The following PLXND1 variants were observed in gnomAD, a reference collection of about 807,000 sequenced individuals.
PLXND1 encodes the protein plexin-D1.
PLXND1 carries 54 observed loss-of-function variants against 197.7 expected under a neutral mutation model. That is an observed-to-expected ratio of 0.27 (90% CI 0.22 to 0.34). The LOEUF is 0.34. Ranked by LOEUF, PLXND1 falls within the 10% of genes least tolerant of loss-of-function variation. The probability of loss-of-function intolerance (pLI) is 1.00; values close to 1 mark genes in which losing one functional copy is unlikely to be tolerated. For synonymous variants in PLXND1, 1,180 were observed against 1,161.2 expected, an observed-to-expected ratio of 1.02 and a Z score of -0.33; for missense variants, 2,127 against 2,699.2, an observed-to-expected ratio of 0.79 and a Z score of 4.70.
rs564890664 is a variant in PLXND1 at position 129,562,742 on chromosome 3, G to A, written c.4825+45C>T. 24 of 1,555,154 alleles carry A rather than the reference G, an allele frequency of 1.5e-5. No homozygotes were observed. The Admixed American group carries it at 2.8e-4, about 18-fold the overall frequency. On this transcript the variant is annotated intron_variant, in intron 27 of 35. Transcript: ENST00000324093. ...TCCCGTCAAGGCAGGGGCCAGCCCC[G>A]GCTGAAGCGCCTGACACGGGGTCTC...
At position 129,561,878 on chromosome 3, in the gene PLXND1, G is replaced by A. The variant is rs765914838; in HGVS notation, c.4851C>T (p.Ser1617=). The A allele has an allele frequency of 1.2e-6, 2 of 1,613,844 alleles. No homozygotes were observed. The highest frequency in any genetic ancestry group is 2.2e-5 in the South Asian group (2 of 91,074). Residue 1617 remains serine (S), a synonymous_variant, in exon 28 of 36, where the codon AGC becomes AGT. Coordinates refer to ENST00000324093, the MANE Select transcript of PLXND1 (RefSeq NM_015103.3). ...TGTCGTCCAGGTCCCGAAGGATGTA[G>A]CTCTGTGTGCTGGAGGCGAACCACT... ...DLEWFASSTQ[S]YILRDLDDTS... is the part of the protein sequence containing the mutation.
At chr3:129,600,148 T>A (rs1285302094) in intron 1 of PLXND1, among the ~76,000 whole-genome samples, 3 of 152,178 alleles carry the variant, frequency 2.0e-5, no homozygotes, top group African/African-American at 7.2e-5. Context: ...ATTCTCTCCA[T>A]CTCAGTCTCT....
intron 1 of PLXND1, among the ~76,000 whole-genome samples, chr3:129,602,324 G>A (rs936580522): frequency 1.3e-5 from 2 of 152,048 alleles, no homozygotes; most frequent in Admixed American, 6.6e-5. Flanking sequence ...CACTCTACTC[G>A]CCTGGCCACG....
At chr3:129,593,244 C>T (rs1453118992) in intron 1 of PLXND1, among the ~76,000 whole-genome samples, 1 of 152,152 alleles carries the variant, frequency 6.6e-6, no homozygotes, top group East Asian at 1.9e-4. Flanking sequence ...CTGCCAGCTC[C>T]CAGGCCTCCA....
Position 129,560,704 on chromosome 3 carries a change from C to A in PLXND1, c.5013G>T (p.Glu1671Asp). The change falls in exon 30 of 36, where the codon GAG becomes GAT. Residue 1671 changes from glutamate (E) to aspartate (D), a missense_variant. Physicochemically the swap from Glu to Asp is conservative, Grantham distance 45 (BLOSUM62 2). This residue lies in a region of PLXND1 where 53 missense variants were observed against 41.4 expected (regional missense o/e 1.28). Coordinates refer to ENST00000324093, the MANE Select transcript of PLXND1 (RefSeq NM_015103.3). ...TLGRVKDLDTEKYFHLVLPTD... is the reference protein window; with the variant it reads ...TLGRVKDLDTDKYFHLVLPTD... ...GGGCACTCACCAAATGGAAATACTTCTCTGTGTCCAAGTCTTTCACTGTGA... is the reference window on the plus strand; with the variant it reads ...GGGCACTCACCAAATGGAAATACTTATCTGTGTCCAAGTCTTTCACTGTGA... 1.9e-6 allele frequency: 3 copies of A among 1,603,884 alleles called. No homozygotes were observed. The highest frequency in any genetic ancestry group is 2.6e-6 in the Non-Finnish European group (3 of 1,170,772).
chr3:129,598,015 GCAGCCA>G (rs2085653549), intron 1 of PLXND1, among the ~76,000 whole-genome samples: 2 of 152,272 alleles, frequency 1.3e-5, no homozygotes, highest in South Asian at 4.1e-4. Context: ...ATACAGACCA[GCAGCCA>G]CAGGGTCCCT....
rs1194758952 is a variant in PLXND1 at position 129,581,981 on chromosome 3, C to A, written c.2241+1586G>T. On this transcript the variant is annotated intron_variant, in intron 8 of 35. Coordinates refer to ENST00000324093, the MANE Select transcript of PLXND1 (RefSeq NM_015103.3). ...GGAAGAGACGTGATTGAGATGGGGT[C>A]CCCAGACAGGAGCAGGAGTCCTAGT... 2.0e-5 allele frequency among the ~76,000 whole-genome samples: 3 copies of A among 152,222 alleles called. No homozygotes were observed. In the South Asian group the frequency reaches 6.2e-4, roughly 31 times the overall value.
At position 129,583,654 on chromosome 3, in the gene PLXND1, C is replaced by A. The variant is rs2085416937; in HGVS notation, c.2154G>T (p.Leu718=). Residue 718 remains leucine, a synonymous_variant, in exon 8 of 36, where the codon CTG becomes CTT. Coordinates refer to ENST00000324093, the MANE Select transcript of PLXND1 (RefSeq NM_015103.3). Reference sequence around the variant, plus strand: ...ACCAGAAACAGGGCCACTGTGCCGACAGGCAGCTGGTACAGCTGGAAGACA... The same window carrying A: ...ACCAGAAACAGGGCCACTGTGCCGAAAGGCAGCTGGTACAGCTGGAAGACA... ...VYPHTACTSC[L]SAQWPCFWCS... 1.3e-5 allele frequency: 21 copies of A among 1,612,852 alleles called. No homozygotes were observed. Among genetic ancestry groups the A allele is most frequent in the Non-Finnish European group, 1.7e-5 (20 of 1,179,492 alleles).
chr3:129,589,307 GCCTC>G, intron 2 of PLXND1, 40 bp downstream of exon 2: 3 of 684,686 alleles, frequency 4.4e-6, no homozygotes, highest in East Asian at 3.6e-5. Context: ...TCCCAGGGGA[GCCTC>G]CCACCCCCAC....
At chr3:129,564,071 G>A (rs1287145735) in intron 25 of PLXND1, among the ~76,000 whole-genome samples, 2 of 152,190 alleles carry the variant, frequency 1.3e-5, no homozygotes, top group Non-Finnish European at 2.9e-5. Flanking sequence ...GGGGAGTGAG[G>A]TCCAGGGTCC....
intron 1 of PLXND1, among the ~76,000 whole-genome samples, chr3:129,593,563 C>T (rs2085576939): frequency 6.6e-6 from 1 of 152,244 alleles, no homozygotes; most frequent in African/African-American, 2.4e-5. Flanking sequence ...ACATGCATGA[C>T]GTTCTCCAGC....
At chr3:129,568,331 C>G (rs1233706811) in intron 20 of PLXND1, among the ~76,000 whole-genome samples, 1 of 152,006 alleles carries the variant, frequency 6.6e-6, no homozygotes, top group African/African-American at 2.4e-5. Context: ...ATTAAAATAT[C>G]TATTAATATA....
chr3:129,562,940 G>T lies in PLXND1; in HGVS notation c.4672C>A (p.Leu1558Met). The T allele has an allele frequency of 6.2e-7, 1 of 1,603,176 alleles. No homozygotes were observed. Among genetic ancestry groups the T allele is most frequent in the South Asian group, 1.1e-5 (1 of 90,906 alleles). ...RENIEAKPRN[L>M]NVSFQGCGMD... ...CCACAGCCCTGGAAGGACACGTTCA[G>T]GTTCTGCAGGGGGAGAGTGGGAGAG... Residue 1558 changes from leucine (L) to methionine (M), a missense_variant, in exon 27 of 36, where the codon CTG (leucine) becomes ATG (methionine). Coordinates refer to ENST00000324093, the MANE Select transcript of PLXND1 (RefSeq NM_015103.3).
rs2084994855 is a variant in PLXND1, at chr3:129,557,729, A to T, written c.5446-506T>A. The stretch of plus-strand genomic sequence containing the variant: ...GGAGGCAGTACGTGAGTAGTAGTGG[A>T]GCGATGGCATTTTCTCCTTCCCGTG... On this transcript the variant is annotated intron_variant, in intron 33 of 35. Transcript: ENST00000324093. The surrounding 1 kb of genome is among the most constrained non-coding windows in gnomAD (Gnocchi z 4.8). 6.6e-6 allele frequency among the ~76,000 whole-genome samples: 1 copy of T among 152,158 alleles called. No individual in the cohort carries two copies. The highest frequency in any genetic ancestry group is 6.5e-5 in the Admixed American group (1 of 15,280).
chr3:129,586,066 C>T lies in PLXND1; in HGVS notation c.1737G>A (p.Gln579=). ...GCTGCTGGCTGGAATTGGTGCAGTC[C>T]TGCTGCAAGGTGCACCTGGGGTGGC... ...CALETRCTLQ[Q]DCTNSSQQHF... The change falls in exon 5 of 36, where the codon CAG becomes CAA. Residue 579 remains glutamine (Q), a synonymous_variant. Coordinates refer to ENST00000324093, the MANE Select transcript of PLXND1 (RefSeq NM_015103.3). The T allele has an allele frequency of 6.2e-7, 1 of 1,613,938 alleles. No homozygotes were observed. Among genetic ancestry groups the T allele is most frequent in the Non-Finnish European group, 8.5e-7 (1 of 1,180,000 alleles).
In PLXND1 at chr3:129,562,807, C is replaced by G. The variant is rs376955586; in HGVS notation, c.4805G>C (p.Arg1602Pro). Residue 1602 changes from arginine (R) to proline (P), a missense_variant, in exon 27 of 36, where the codon CGT becomes CCT. By Grantham distance (103) the Arg-to-Pro change is moderately radical. Transcript: ENST00000324093. ...CKNVPYSQWP[R>P]AEDVDLEWFA... ...CCCACCAAGGTCGACGTCCTCTGCA[C>G]GCGGCCACTGGGAGTAGGGCACATT... 1 of 1,603,038 alleles carries G rather than the reference C, an allele frequency of 6.2e-7. No individual in the cohort carries two copies. Among genetic ancestry groups the G allele is most frequent in the Non-Finnish European group, 8.5e-7 (1 of 1,170,964 alleles).
chr3:129,561,945 C>A, intron 27 of PLXND1, 42 bp from the exon 28 acceptor site: 1 of 1,450,458 alleles, frequency 6.9e-7, no homozygotes, highest in Non-Finnish European at 9.7e-7. Context: ...GGGCAGGGAG[C>A]TGGGCCTGAG....
chr3:129,565,634 C>G, intron 24 of PLXND1, 96 bp from the exon 25 acceptor site: 1 of 1,130,054 alleles, frequency 8.8e-7, no homozygotes, highest in Non-Finnish European at 1.3e-6. Context: ...CCCATCGATC[C>G]CAGGAGTGCC....
rs766043958 is a variant in PLXND1, at chr3:129,586,250, G to A, written c.1643C>T (p.Ala548Val). 25 of 1,586,488 alleles carry A rather than the reference G, an allele frequency of 1.6e-5. No individual in the cohort carries two copies. The East Asian group carries it at 5.2e-4, about 33-fold the overall frequency. The change falls in exon 4 of 36, where the codon GCC (alanine) becomes GTC (valine). Residue 548 changes from alanine to valine, a missense_variant. Around this residue, in one of 6 missense-constraint regions of PLXND1, gnomAD observed 1,095 missense variants for 1,259.8 expected, o/e 0.87. Coordinates refer to ENST00000324093, the MANE Select transcript of PLXND1 (RefSeq NM_015103.3). Reference protein sequence around the residue: ...SHQMARVKVAACNVHSTCGDC... With the variant: ...SHQMARVKVAVCNVHSTCGDC... ...CCCACAGGTGGAGTGCACGTTGCAG[G>A]CGGCGACCTTCACCCTGGCCATCTG...
Sources: allele counts gnomAD v4.1 joint callset (sites outside exome capture counted in the v4.1 genomes callset), GRCh38; gene constraint gnomAD v4.1.1; regional missense constraint gnomAD v4.1.1; non-coding constraint Gnocchi (gnomAD v3.1); transcripts MANE v1.5; gene names NCBI Gene and HGNC (gene_info 2026-07-23, HGNC 2026-07-21).